The following HERC6 variants were observed in gnomAD, a reference collection of about 807,000 sequenced individuals.
HERC6 encodes the protein HECT and RLD domain containing E3 ubiquitin protein ligase family member 6, also known as probable E3 ubiquitin-protein ligase HERC6.
In HERC6, 101 loss-of-function variants were observed where a neutral mutation model predicts 114.5. The observed-to-expected ratio is 0.88, with a 90% CI of 0.75 to 1.04. The LOEUF is 1.04. Among genes scored for constraint, HERC6 ranks in the 50% least tolerant of loss-of-function variants. The pLI is 0.00. For missense variants in HERC6, 1,133 were observed against 1,230.9 expected (o/e 0.92, Z 1.19); for synonymous variants, 408 against 436.2 (o/e 0.94, Z 0.81).
intron 7 of HERC6, 69 bp downstream of exon 7, chr4:88,397,056 C>A (rs1273823538): frequency 1.1e-5 from 15 of 1,411,982 alleles, no homozygotes; most frequent in Non-Finnish European, 1.4e-5. Flanking sequence ...TATTCAGCTT[C>A]CTTTCAAAGG....
At chr4:88,394,627 C>A (rs984426109) in intron 5 of HERC6, among the ~76,000 whole-genome samples, 1 of 151,370 alleles carries the variant, frequency 6.6e-6, no homozygotes, top group Admixed American at 6.6e-5. Flanking sequence ...TCACTGCAAC[C>A]TTCGCCTCCC....
At chr4:88,417,641 A>C in intron 13 of HERC6, 62 bp downstream of exon 13, 3 of 1,403,940 alleles carry the variant, frequency 2.1e-6, no homozygotes, top group Non-Finnish European at 1.9e-6. Context: ...CTTAAGTCTC[A>C]ACCAGTTGGA....
Position 88,442,822 on chromosome 4 carries a change from T to A in HERC6, c.*362T>A, listed in dbSNP as rs1739467028. 2 of 254,214 alleles carry A rather than the reference T, an allele frequency of 7.9e-6. No individual in the cohort carries two copies. The highest frequency in any genetic ancestry group is 4.9e-5 in the Admixed American group (1 of 20,554). 15.7% of individuals were successfully genotyped at this position (254,214 alleles called of 1,614,324 possible). On this transcript the variant is annotated 3_prime_UTR_variant, in exon 23 of 23. Transcript: ENST00000264346. ...TGCACTCTGGCCAATGATTGGTTCATTCCAGGACATTCATTTGCATAAGGA... is the reference window on the plus strand; with the variant it reads ...TGCACTCTGGCCAATGATTGGTTCAATCCAGGACATTCATTTGCATAAGGA...
Position 88,396,048 on chromosome 4 carries a change from T to C in HERC6, c.793T>C (p.Ser265Pro). The C allele has an allele frequency of 6.2e-7, 1 of 1,606,658 alleles. No homozygotes were observed. Residue 265 changes from serine to proline, a missense_variant, in exon 6 of 23, where the codon TCT becomes CCT. Ser to Pro is a moderately conservative substitution (Grantham distance 74). Transcript: ENST00000264346. ...AGTGTTCACATTTGGAGACAATCGC[T>C]CTGGACAGCTGGGATACAGCCCCAC... ...GKVFTFGDNR[S>P]GQLGYSPTPE...
At chr4:88,416,225 C>A (rs1736459909) in intron 12 of HERC6, among the ~76,000 whole-genome samples, 1 of 152,194 alleles carries the variant, frequency 6.6e-6, no homozygotes, top group African/African-American at 2.4e-5. Context: ...AGTGCACCAG[C>A]ACACCCTAGT....
rs75790433 is a variant in HERC6 at position 88,402,817 on chromosome 4, T to C, written c.1093-2059T>C. Among the ~76,000 whole-genome samples, 788 of 152,280 alleles carry C rather than the reference T, an allele frequency of 5.2e-3. 6 individuals carry two copies. Among genetic ancestry groups the C allele is most frequent in the African/African-American group, 0.017 (694 of 41,556 alleles). ...AGAAAATGAAGAAATGGTATGTAACTGCCAAGAGGGAGCACCTCATTGTCC... is the reference window on the plus strand; with the variant it reads ...AGAAAATGAAGAAATGGTATGTAACCGCCAAGAGGGAGCACCTCATTGTCC... On this transcript the variant is annotated intron_variant, in intron 8 of 22. Coordinates refer to ENST00000264346, the MANE Select transcript of HERC6 (RefSeq NM_017912.4).
At chr4:88,432,544 C>A (rs1204586515) in intron 17 of HERC6, among the ~76,000 whole-genome samples, 1 of 151,918 alleles carries the variant, frequency 6.6e-6, no homozygotes, top group Non-Finnish European at 1.5e-5. Flanking sequence ...GCCTGGCCAA[C>A]CTGGCGAAAC....
At chr4:88,416,048 T>C (rs1234005746) in intron 12 of HERC6, among the ~76,000 whole-genome samples, 1 of 152,182 alleles carries the variant, frequency 6.6e-6, no homozygotes, top group South Asian at 2.1e-4. Context: ...TTCAGACCAG[T>C]TGGTGTCAGC....
intron 20 of HERC6, among the ~76,000 whole-genome samples, chr4:88,438,545 C>T (rs528528899): frequency 1.1e-4 from 17 of 152,104 alleles, no homozygotes; most frequent in African/African-American, 3.9e-4. Flanking sequence ...CACCTGGCCA[C>T]AAATGAATTA....
intron 18 of HERC6, among the ~76,000 whole-genome samples, chr4:88,436,649 T>A (rs1738779561): frequency 6.6e-6 from 1 of 152,202 alleles, no homozygotes; most frequent in Non-Finnish European, 1.5e-5. Context: ...TGATTCAGAA[T>A]CACTGTCTAG....
At chr4:88,435,922 T>C (rs758685380) in intron 18 of HERC6, 31 bp downstream of exon 18, 3 of 1,522,890 alleles carry the variant, frequency 2.0e-6, no homozygotes, top group Non-Finnish European at 2.7e-6. Context: ...TTCAGGACCG[T>C]ATCTAGTAAG....
At chr4:88,411,738 G>C (rs1736116274) in intron 11 of HERC6, among the ~76,000 whole-genome samples, 1 of 152,158 alleles carries the variant, frequency 6.6e-6, no homozygotes, top group African/African-American at 2.4e-5. Flanking sequence ...CTTTGCACAG[G>C]TTCATTCAGG....
intron 8 of HERC6, among the ~76,000 whole-genome samples, chr4:88,402,542 A>G (rs1413695349): frequency 6.6e-6 from 1 of 152,168 alleles, no homozygotes. Flanking sequence ...GCAGAGGAAA[A>G]TAGTGGAGAT....
chr4:88,400,858 A>G (rs1735497857), intron 8 of HERC6, among the ~76,000 whole-genome samples: 1 of 152,094 alleles, frequency 6.6e-6, no homozygotes, highest in African/African-American at 2.4e-5. Context: ...GAACAGGAAA[A>G]AACAGTCAAT....
rs755717414 is a variant in HERC6, at chr4:88,396,119, A to G, written c.864A>G (p.Leu288=). 30 of 1,601,794 alleles carry G rather than the reference A, an allele frequency of 1.9e-5. No individual in the cohort carries two copies. In the Admixed American group the frequency reaches 4.7e-4, roughly 25 times the overall value. The change falls in exon 6 of 23, where the codon CTA becomes CTG. Residue 288 remains leucine (L), a synonymous_variant. Coordinates refer to ENST00000264346, the MANE Select transcript of HERC6 (RefSeq NM_017912.4). ...AACTTGTGGAAAGAATTGATGGCCT[A>G]GTTTCGCAGATAGATTGTGGAAGGT... ...GPQLVERIDG[L]VSQIDCGSYH...
At position 88,442,381 on chromosome 4, in the gene HERC6, T is replaced by G; in HGVS notation, c.2990T>G (p.Met997Arg). Residue 997 changes from methionine (M) to arginine (R), a missense_variant, in exon 23 of 23, where the codon ATG (methionine) becomes AGG (arginine). Physicochemically the swap from Met to Arg is moderately conservative, Grantham distance 91. Transcript: ENST00000264346. ...CTCTCCCTCCCTAAGTATTCTACAATGGAAAGAATGGAGGAAGCACTTCAA... is the reference window on the plus strand; with the variant it reads ...CTCTCCCTCCCTAAGTATTCTACAAGGGAAAGAATGGAGGAAGCACTTCAA... ...NILSLPKYST[M>R]ERMEEALQVA... is the part of the protein sequence containing the mutation. The G allele has an allele frequency of 6.2e-7, 1 of 1,613,886 alleles. No individual in the cohort carries two copies. The highest frequency in any genetic ancestry group is 8.5e-7 in the Non-Finnish European group (1 of 1,179,894).
intron 20 of HERC6, among the ~76,000 whole-genome samples, chr4:88,438,629 C>T (rs1560578752): frequency 6.6e-6 from 1 of 152,078 alleles, no homozygotes; most frequent in Non-Finnish European, 1.5e-5. Context: ...TAGGGAGTTC[C>T]AGGTGGTGGT....
intron 3 of HERC6, among the ~76,000 whole-genome samples, chr4:88,388,798 C>T (rs933860613): frequency 6.6e-6 from 1 of 152,042 alleles, no homozygotes; most frequent in African/African-American, 2.4e-5. Context: ...TTAATCTTTC[C>T]TAGATCAGAC....
rs535483547 is a variant in HERC6, at chr4:88,421,674, G to A, written c.1714-2186G>A. On this transcript the variant is annotated intron_variant, in intron 13 of 22. Transcript: ENST00000264346. Reference sequence around the variant, plus strand: ...TTGGCCAGACTGGTCCCGAACTCCTGACCTCAAGTAATCCACCCACCTCAG... The same window carrying A: ...TTGGCCAGACTGGTCCCGAACTCCTAACCTCAAGTAATCCACCCACCTCAG... 5.9e-5 allele frequency among the ~76,000 whole-genome samples: 9 copies of A among 152,182 alleles called. No homozygotes were observed. The South Asian group carries it at 1.9e-3, about 32-fold the overall frequency.
Sources: allele counts gnomAD v4.1 joint callset (sites outside exome capture counted in the v4.1 genomes callset), GRCh38; gene constraint gnomAD v4.1.1; transcripts MANE v1.5; gene names NCBI Gene and HGNC (gene_info 2026-07-23, HGNC 2026-07-21).